The following MDH1B variants were observed in gnomAD, a reference collection of about 807,000 sequenced individuals.
MDH1B encodes the protein malate dehydrogenase 1B.
Under a neutral mutation model 61.4 loss-of-function variants are expected in MDH1B, and 60 were observed. The ratio of observed to expected loss-of-function variants is 0.98; its 90% confidence interval spans 0.79 to 1.21. MDH1B has a LOEUF of 1.21. Ranked by LOEUF, MDH1B falls within the 50% of genes most tolerant of loss-of-function variation. The pLI, the probability that MDH1B is intolerant of heterozygous loss-of-function variation, is 0.00. For synonymous variants in MDH1B, 236 were observed against 218.7 expected (o/e 1.08, Z -0.70); for missense variants, 587 against 632.1 (o/e 0.93, Z 0.76).
chr2:206,738,117 C>A lies in MDH1B; in HGVS notation c.*366G>T, dbSNP rs1274531260. ...AAGGTGATGAGGACATTTGAGCAAA[C>A]ATGGCCACTTAGGTGCAGGTCTTAG... On this transcript the variant is annotated 3_prime_UTR_variant, in exon 12 of 12. Coordinates refer to ENST00000374412, the MANE Select transcript of MDH1B (RefSeq NM_001039845.3). 6 of 168,740 alleles carry A rather than the reference C, an allele frequency of 3.6e-5. No homozygotes were observed. Among genetic ancestry groups the A allele is most frequent in the Non-Finnish European group, 5.0e-5 (4 of 79,518 alleles). The allele number at this position is 168,740 out of a possible 1,614,324, so 10.5% of individuals were successfully genotyped here.
Position 206,757,264 on chromosome 2 carries a change from T to A in MDH1B, c.243A>T (p.Gly81=). The A allele has an allele frequency of 6.2e-7, 1 of 1,613,928 alleles. No individual in the cohort carries two copies. The highest frequency in any genetic ancestry group is 8.5e-7 in the Non-Finnish European group (1 of 1,179,848). ...GAGCATGCTCCAGGAACTCATTATA[T>A]CCTCCCAAAAGCAAACCCTTTCCTC... ...DRGGKGLLLG[G]YNEFLEHAQL... The change falls in exon 3 of 12, where the codon GGA becomes GGT. Residue 81 remains glycine, a synonymous_variant. Coordinates refer to ENST00000374412, the MANE Select transcript of MDH1B (RefSeq NM_001039845.3).
intron 4 of MDH1B, among the ~76,000 whole-genome samples, chr2:206,756,338 A>G (rs1318148434): frequency 6.6e-6 from 1 of 152,182 alleles, no homozygotes; most frequent in Non-Finnish European, 1.5e-5. Context: ...TAAGAGCAGG[A>G]AAAGTGCAAA....
At chr2:206,752,789 C>T (rs1688526331) in intron 5 of MDH1B, among the ~76,000 whole-genome samples, 1 of 88,732 alleles carries the variant, frequency 1.1e-5, no homozygotes, top group Non-Finnish European at 2.0e-5. Context: ...ATTTCCCCTC[C>T]TCCTTTTTTT....
intron 4 of MDH1B, among the ~76,000 whole-genome samples, chr2:206,755,846 A>G (rs2105943835): frequency 6.6e-6 from 1 of 152,292 alleles, no homozygotes; most frequent in South Asian, 2.1e-4. Context: ...TCCTAAAAAG[A>G]TAAAGATGTA....
intron 11 of MDH1B, among the ~76,000 whole-genome samples, chr2:206,739,108 G>T (rs1350089593): frequency 6.6e-6 from 1 of 152,080 alleles, no homozygotes; most frequent in Non-Finnish European, 1.5e-5. Flanking sequence ...AAGGATTTAA[G>T]GATTTGGTTG....
rs761640113 is a variant in MDH1B, at chr2:206,741,041, C to T, written c.1459+13G>A. Reference sequence around the variant, plus strand: ...TAGCAATATAGACATTGTTTATAACCCCACTGACTTACCATCTGACATAGC... The same window carrying T: ...TAGCAATATAGACATTGTTTATAACTCCACTGACTTACCATCTGACATAGC... On this transcript the variant is annotated intron_variant, in intron 10 of 11. Transcript: ENST00000374412. The T allele has an allele frequency of 2.5e-6, 4 of 1,613,004 alleles. No individual in the cohort carries two copies. In the East Asian group the frequency reaches 6.7e-5, roughly 27 times the overall value.
intron 9 of MDH1B, among the ~76,000 whole-genome samples, chr2:206,743,720 G>A (rs1019431857): frequency 2.6e-5 from 4 of 151,898 alleles, no homozygotes; most frequent in African/African-American, 7.3e-5. Flanking sequence ...ATCCACAGGC[G>A]TGCATGCACA....
At chr2:206,747,552 AGTGT>A (rs1688186974) in intron 7 of MDH1B, among the ~76,000 whole-genome samples, 1 of 117,526 alleles carries the variant, frequency 8.5e-6, no homozygotes, top group South Asian at 2.5e-4. Flanking sequence ...AGATTGATTG[AGTGT>A]CTACCATATA....
chr2:206,748,951 C>A, intron 7 of MDH1B, 69 bp downstream of exon 7: 1 of 1,421,216 alleles, frequency 7.0e-7, no homozygotes, highest in Non-Finnish European at 9.7e-7. Context: ...GGTGGGGACA[C>A]AGAATTAGGA....
intron 6 of MDH1B, among the ~76,000 whole-genome samples, chr2:206,749,488 C>G (rs1688314140): frequency 6.6e-6 from 1 of 152,134 alleles, no homozygotes; most frequent in African/African-American, 2.4e-5. Context: ...AGAATTGATC[C>G]TGTGTAGACT....
intron 9 of MDH1B, among the ~76,000 whole-genome samples, chr2:206,741,877 A>G (rs1687833502): frequency 6.6e-6 from 1 of 152,140 alleles, no homozygotes; most frequent in African/African-American, 2.4e-5. Context: ...TAAGGACCTA[A>G]GGACTCTACT....
chr2:206,740,894 T>C (rs959048404), intron 10 of MDH1B, among the ~76,000 whole-genome samples, 160 bp downstream of exon 10: 9 of 152,218 alleles, frequency 5.9e-5, no homozygotes, highest in African/African-American at 2.2e-4. Flanking sequence ...AAAGTTGACA[T>C]TTTTATGCCC....
chr2:206,744,815 A>C (rs12470159), intron 9 of MDH1B, among the ~76,000 whole-genome samples: 43,551 of 151,672 alleles, frequency 0.29, 8,508 homozygotes, highest in East Asian at 0.57. Flanking sequence ...GTTCCAGCTA[A>C]TCAGGAGGCT....
intron 5 of MDH1B, among the ~76,000 whole-genome samples, chr2:206,752,904 C>T (rs1688534464): frequency 6.6e-6 from 1 of 151,710 alleles, no homozygotes; most frequent in Non-Finnish European, 1.5e-5. Context: ...TTAGGTCCAC[C>T]TATAGGCATT....
At chr2:206,748,088 T>C (rs1173467612) in intron 7 of MDH1B, among the ~76,000 whole-genome samples, 1 of 152,062 alleles carries the variant, frequency 6.6e-6, no homozygotes. Context: ...TTTGTAAAAA[T>C]GGTAGAAGTC....
chr2:206,761,058 AT>A, intron 1 of MDH1B, 45 bp from the exon 2 acceptor site: 2 of 1,031,116 alleles, frequency 1.9e-6, no homozygotes, highest in Non-Finnish European at 3.0e-6. Context: ...TCATGCAGAA[AT>A]TATTATGTAG....
intron 1 of MDH1B, among the ~76,000 whole-genome samples, chr2:206,761,740 A>C (rs1458618707): frequency 6.6e-6 from 1 of 152,088 alleles, no homozygotes; most frequent in Non-Finnish European, 1.5e-5. Context: ...CAACAGATGG[A>C]ATTGGGCATC....
At position 206,762,822 on chromosome 2, in the gene MDH1B, C is replaced by A. The variant is rs149228741; in HGVS notation, c.23-1809G>T. ...CCCTTGGCAGCATTTGCCACCACTG[C>A]CCCCTTCCAGGCTTTTGAAACACTG... On this transcript the variant is annotated intron_variant, in intron 1 of 11. Transcript: ENST00000374412. Among the ~76,000 whole-genome samples, 935 of 152,308 alleles carry A rather than the reference C, an allele frequency of 6.1e-3. 5 individuals carry two copies. The highest frequency in any genetic ancestry group is 0.031 in the Middle Eastern group (9 of 294).
At chr2:206,753,186 C>A (rs1559342467) in intron 5 of MDH1B, among the ~76,000 whole-genome samples, 1 of 152,194 alleles carries the variant, frequency 6.6e-6, no homozygotes, top group East Asian at 1.9e-4. Flanking sequence ...CAGGTATGTC[C>A]TGGCACCACC....
Sources: allele counts gnomAD v4.1 joint callset (sites outside exome capture counted in the v4.1 genomes callset), GRCh38; gene constraint gnomAD v4.1.1; transcripts MANE v1.5; gene names NCBI Gene and HGNC (gene_info 2026-07-23, HGNC 2026-07-21).